SLC5A6: variants seen among roughly 807,000 people sequenced by gnomAD.
SLC5A6 encodes solute carrier family 5 member 6, also known as sodium-dependent multivitamin transporter.
SLC5A6 carries 31 observed loss-of-function variants against 67.9 expected under a neutral mutation model. The observed-to-expected ratio is 0.46, with a 90% confidence interval of 0.34 to 0.62. The LOEUF (loss-of-function observed/expected upper bound fraction) is 0.62, where lower values mean the gene tolerates loss of function less well. Ranked by LOEUF, SLC5A6 falls within the 20% of genes least tolerant of loss-of-function variation. The probability of loss-of-function intolerance (pLI) is 0.01; values close to 1 mark genes in which losing one functional copy is unlikely to be tolerated. For missense variants in SLC5A6, 673 were observed against 812.8 expected (o/e 0.83, Z 2.09); for synonymous variants, 343 against 331.0 (o/e 1.04, Z -0.39).
In SLC5A6 at chr2:27,203,335, A is replaced by T; in HGVS notation, c.1105T>A (p.Ser369Thr). Reference protein sequence around the residue: ...LFSGSLSTISSAFNSLATVTM... With the variant: ...LFSGSLSTISTAFNSLATVTM... ...ACAGTTGCCAATGAATTAAAAGCAGAGGATATAGTGCTGAAAAAGAGGAAG... is the reference window on the plus strand; with the variant it reads ...ACAGTTGCCAATGAATTAAAAGCAGTGGATATAGTGCTGAAAAAGAGGAAG... The change falls in exon 11 of 17, where the codon TCT becomes ACT. Residue 369 changes from serine to threonine, a missense_variant. Coordinates refer to ENST00000310574, the MANE Select transcript of SLC5A6 (RefSeq NM_021095.4). The T allele has an allele frequency of 6.2e-7, 1 of 1,614,144 alleles. No individual in the cohort carries two copies. Among genetic ancestry groups the T allele is most frequent in the Non-Finnish European group, 8.5e-7 (1 of 1,180,014 alleles).
In SLC5A6 at chr2:27,207,437, C is replaced by A. The variant is rs1308541982; in HGVS notation, c.214G>T (p.Ala72Ser). The A allele has an allele frequency of 1.2e-6, 2 of 1,614,236 alleles. No individual in the cohort carries two copies. Among genetic ancestry groups the A allele is most frequent in the Non-Finnish European group, 1.7e-6 (2 of 1,180,038 alleles). The change falls in exon 3 of 17, where the codon GCA (alanine) becomes TCA (serine). Residue 72 changes from alanine (A) to serine (S), a missense_variant. By Grantham distance (99) the Ala-to-Ser change is moderately conservative. Coordinates refer to ENST00000310574, the MANE Select transcript of SLC5A6 (RefSeq NM_021095.4). This position sits in a 1 kb window ranked among gnomAD's most constrained non-coding sequence, Gnocchi z 5.5. ...TGGAAGGTGGCCAGCAGGGACAGTG[C>A]CACCGGAAGGCAGCCCATTTTGCGG... The part of the protein sequence containing the change: ...ADRKMGCLPV[A>S]LSLLATFQSA...
chr2:27,212,236 A>AAAGCCCCCAAGCAGCCC lies in SLC5A6; in HGVS notation c.-441_-425dup. ...CCAGCGCAGAGCTCCACGAGCAGGA[A>AAAGCCCCCAAGCAGCCC]AAGCCCCCAAGCAGCCCCAGGGCGA... On this transcript the variant is annotated 5_prime_UTR_variant, in exon 1 of 17. Coordinates refer to ENST00000310574, the MANE Select transcript of SLC5A6 (RefSeq NM_021095.4). The AAAGCCCCCAAGCAGCCC allele has an allele frequency of 1.3e-6, 2 of 1,561,582 alleles. No homozygotes were observed. Among genetic ancestry groups the AAAGCCCCCAAGCAGCCC allele is most frequent in the Non-Finnish European group, 1.7e-6 (2 of 1,153,406 alleles).
At position 27,207,004 on chromosome 2, in the gene SLC5A6, C is replaced by T; in HGVS notation, c.394-62G>A. 7.2e-7 allele frequency: 1 copy of T among 1,386,644 alleles called. No individual in the cohort carries two copies. The highest frequency in any genetic ancestry group is 1.0e-6 in the Non-Finnish European group (1 of 972,960). The allele number at this position is 1,386,644 out of a possible 1,614,324, so 85.9% of individuals were successfully genotyped here. A position where few individuals can be genotyped will look rare whatever the true frequency, so the allele number is the denominator to read the frequency against. ...CACCCCGACAACTCACAGACAAATT[C>T]CCTCAAGATGCTCAGGAACATGAGG... is the stretch of plus-strand genomic sequence containing the variant. On this transcript the variant is annotated intron_variant, in intron 3 of 16. Coordinates refer to ENST00000310574, the MANE Select transcript of SLC5A6 (RefSeq NM_021095.4). This position sits in a 1 kb window ranked among gnomAD's most constrained non-coding sequence, Gnocchi z 5.5.
intron 15 of SLC5A6, 88 bp from the exon 16 acceptor site, chr2:27,201,201 C>G: frequency 9.8e-7 from 1 of 1,019,838 alleles, no homozygotes; most frequent in Admixed American, 2.2e-5. Context: ...GAGACCCCAG[C>G]CCCCACCCAC....
chr2:27,212,292 G>C (rs776777155), upstream of SLC5A6: 1 of 1,552,706 alleles, frequency 6.4e-7, no homozygotes, highest in South Asian at 1.2e-5. Flanking sequence ...CACGCCCGGG[G>C]AAGAGGGCCT....
chr2:27,206,536 T>C lies in SLC5A6; in HGVS notation c.460-2A>G. ...GAGCACAACTCCCATGTAGATCACC[T>C]GTTGCATGTGGAAAAAATGTGATGG... On this transcript the variant is annotated splice_acceptor_variant, in intron 4 of 16. Transcript: ENST00000310574. LOFTEE classifies it high-confidence loss of function. The C allele has an allele frequency of 6.2e-7, 1 of 1,613,972 alleles. No homozygotes were observed. Among genetic ancestry groups the C allele is most frequent in the Non-Finnish European group, 8.5e-7 (1 of 1,179,876 alleles).
Position 27,211,979 on chromosome 2 carries a change from C to CCGCCCCGCT in SLC5A6, c.-208+40_-208+41insAGCGGGGCG, listed in dbSNP as rs1291760770. 3 of 568,722 alleles carry CCGCCCCGCT rather than the reference C, an allele frequency of 5.3e-6. No individual in the cohort carries two copies. The African/African-American group carries it at 6.1e-5, about 11-fold the overall frequency. The allele number at this position is 568,722 out of a possible 1,614,324, so 35.2% of individuals were successfully genotyped here. A position where few individuals can be genotyped will look rare whatever the true frequency, so the allele number is the denominator to read the frequency against. ...AGCCCGCGGGGGCCCCGCCCCCTGC[C>CCGCCCCGCT]CGCCCCCTGCCCGCCCCGCTCGCCG... is the stretch of plus-strand genomic sequence containing the variant. On this transcript the variant is annotated intron_variant, in intron 1 of 16. Coordinates refer to ENST00000310574, the MANE Select transcript of SLC5A6 (RefSeq NM_021095.4).
chr2:27,211,987 T>TGCCCGCCCCCTGCCCGCCCCCA, intron 1 of SLC5A6, 33 bp downstream of exon 1: 3 of 424,680 alleles, frequency 7.1e-6, no homozygotes, highest in Non-Finnish European at 1.2e-5. Context: ...GCCCGCCCCC[T>TGCCCGCCCCCTGCCCGCCCCCA]GCCCGCCCCG....
At chr2:27,211,972 C>CCCCTGCCCGCCCCCTGCCCG (rs1572406597) in intron 1 of SLC5A6, 48 bp downstream of exon 1, 3 of 532,040 alleles carry the variant, frequency 5.6e-6, no homozygotes, top group East Asian at 7.4e-5. Context: ...GGGGCCCCGC[C>CCCCTGCCCGCCCCCTGCCCG]CCCTGCCCGC....
chr2:27,212,247 G>C lies in SLC5A6; in HGVS notation c.-435C>G, dbSNP rs780271572. Reference sequence around the variant, plus strand: ...CTCCACGAGCAGGAAAAGCCCCCAAGCAGCCCCAGGGCGACTGGACCGGGC... The same window carrying C: ...CTCCACGAGCAGGAAAAGCCCCCAACCAGCCCCAGGGCGACTGGACCGGGC... On this transcript the variant is annotated 5_prime_UTR_variant, in exon 1 of 17. Coordinates refer to ENST00000310574, the MANE Select transcript of SLC5A6 (RefSeq NM_021095.4). The C allele has an allele frequency of 3.8e-6, 6 of 1,560,840 alleles. No individual in the cohort carries two copies. The highest frequency in any genetic ancestry group is 8.7e-7 in the Non-Finnish European group (1 of 1,153,010).
Position 27,205,438 on chromosome 2 carries a change from C to T in SLC5A6, c.646G>A (p.Ala216Thr), listed in dbSNP as rs1461998630. Reference protein sequence around the residue: ...QTLVMFLGQLAVIIVGSAKVG... With the variant: ...QTLVMFLGQLTVIIVGSAKVG... Reference sequence around the variant, plus strand: ...TTGGCTGACCCCACAATGATAACTGCCAGCTGCCCGAGGAACATGACCAGT... The same window carrying T: ...TTGGCTGACCCCACAATGATAACTGTCAGCTGCCCGAGGAACATGACCAGT... Residue 216 changes from alanine (A) to threonine (T), a missense_variant, in exon 7 of 17, where the codon GCA (alanine) becomes ACA (threonine). Ala to Thr is a moderately conservative substitution (Grantham distance 58). Transcript: ENST00000310574. The T allele has an allele frequency of 4.3e-6, 7 of 1,614,146 alleles. No individual in the cohort carries two copies. In the Admixed American group the frequency reaches 6.7e-5, roughly 15 times the overall value.
At chr2:27,212,397 C>A (rs201763328), upstream of SLC5A6, 1 of 1,551,356 alleles carries the variant, frequency 6.4e-7, no homozygotes, top group South Asian at 1.2e-5. Flanking sequence ...GGTAGTCTTA[C>A]GACCCTGGTG....
At chr2:27,205,079 G>T in intron 7 of SLC5A6, 148 bp from the exon 8 acceptor site, 1 of 899,368 alleles carries the variant, frequency 1.1e-6, no homozygotes, top group Non-Finnish European at 1.7e-6. Flanking sequence ...GGGTGCACTC[G>T]AGAGACAGCA....
rs1450051590 is a variant in SLC5A6, at chr2:27,203,874, G to GCAGAGC, written c.1006-13_1006-8dup. On this transcript the variant is annotated splice_polypyrimidine_tract_variant and splice_region_variant and intron_variant, in intron 9 of 16. Coordinates refer to ENST00000310574, the MANE Select transcript of SLC5A6 (RefSeq NM_021095.4). ...TCACAAAGTACAGGACGAACTGCAA[G>GCAGAGC]CAGAGCGGAGGTACACAGCAGTCCT... 1.9e-6 allele frequency: 3 copies of GCAGAGC among 1,611,442 alleles called. No individual in the cohort carries two copies. Among genetic ancestry groups the GCAGAGC allele is most frequent in the Non-Finnish European group, 2.5e-6 (3 of 1,177,592 alleles).
intron 6 of SLC5A6, 123 bp downstream of exon 6, chr2:27,205,903 C>G (rs1674025705): frequency 1.3e-6 from 1 of 747,242 alleles, no homozygotes; most frequent in African/African-American, 1.7e-5. Flanking sequence ...AATCTTACCA[C>G]CCCAGAATTT....
In SLC5A6 at chr2:27,204,832, C is replaced by CA; in HGVS notation, c.833dup (p.Gln279AlafsTer94). On this transcript the variant is annotated frameshift_variant, in exon 8 of 17. Coordinates refer to ENST00000310574, the MANE Select transcript of SLC5A6 (RefSeq NM_021095.4). LOFTEE classifies it high-confidence loss of function. ...CCGTGCGGGAACTGAGGTACCGCTG[C>CA]ACCTGAGCCTGGTTCACCCCGTATA... is the stretch of plus-strand genomic sequence containing the variant. 4 of 1,614,144 alleles carry CA rather than the reference C, an allele frequency of 2.5e-6. No individual in the cohort carries two copies. Among genetic ancestry groups the CA allele is most frequent in the Non-Finnish European group, 3.4e-6 (4 of 1,180,012 alleles).
rs1392037009 is a variant in SLC5A6 at position 27,202,203 on chromosome 2, C to T, written c.1276-129G>A. 3 of 741,316 alleles carry T rather than the reference C, an allele frequency of 4.0e-6. No individual in the cohort carries two copies. The African/African-American group carries it at 5.2e-5, about 13-fold the overall frequency. The allele number at this position is 741,316 out of a possible 1,614,324, so 45.9% of individuals were successfully genotyped here. A position where few individuals can be genotyped will look rare whatever the true frequency, so the allele number is the denominator to read the frequency against. On this transcript the variant is annotated intron_variant, in intron 12 of 16. Coordinates refer to ENST00000310574, the MANE Select transcript of SLC5A6 (RefSeq NM_021095.4). ...GTCAGATCTGTCTCTTCTGTGGGAA[C>T]AATCAGAACTCCAGAGGTGGCCGAG...
intron 12 of SLC5A6, 83 bp from the exon 13 acceptor site, chr2:27,202,157 C>T: frequency 1.0e-6 from 1 of 974,548 alleles, no homozygotes; most frequent in East Asian, 2.5e-5. Flanking sequence ...AGCCACCAGC[C>T]ATGACCTTGG....
Position 27,201,651 on chromosome 2 carries a change from CAA to C in SLC5A6, c.1544+13_1544+14del. The C allele has an allele frequency of 6.2e-7, 1 of 1,611,050 alleles. No homozygotes were observed. The highest frequency in any genetic ancestry group is 8.5e-7 in the Non-Finnish European group (1 of 1,177,674). ...GGGCTTTGAGAAAACAAGAAGATAGCAAGCCCTGCCTTACTTGGAGAAGGTAG... is the reference window on the plus strand; with the variant it reads ...GGGCTTTGAGAAAACAAGAAGATAGCGCCCTGCCTTACTTGGAGAAGGTAG... On this transcript the variant is annotated intron_variant, in intron 14 of 16. Coordinates refer to ENST00000310574, the MANE Select transcript of SLC5A6 (RefSeq NM_021095.4).
Sources: gnomAD v4.1 joint callset for allele counts on GRCh38, gnomAD v4.1.1 for gene constraint, Gnocchi (gnomAD v3.1) non-coding constraint, MANE v1.5 for transcripts, NCBI Gene and HGNC (gene_info 2026-07-23, HGNC 2026-07-21) for gene names.